The following TENM3 variants were observed in gnomAD, a reference collection of about 807,000 sequenced individuals.
TENM3 encodes the protein teneurin-3.
Under a neutral mutation model 255.1 loss-of-function variants are expected in TENM3, and 63 were observed. The observed-to-expected ratio is 0.25, with a 90% CI of 0.20 to 0.30. TENM3 has a LOEUF of 0.30. Among genes scored for constraint, TENM3 ranks in the 10% least tolerant of loss-of-function variants. The pLI, the probability that TENM3 is intolerant of heterozygous loss-of-function variation, is 1.00. For missense variants in TENM3, 2,929 were observed against 3,461.1 expected (o/e 0.85, Z 3.86); for synonymous variants, 1,306 against 1,322.3 (o/e 0.99, Z 0.27).
At chr4:182,087,640 C>T in the TENM3 span, among the ~76,000 whole-genome samples, 1 of 151,432 alleles carries the variant, frequency 6.6e-6, no homozygotes, top group Non-Finnish European at 1.5e-5. Context: ...ATGCTAAATC[C>T]ATTAGTATAG....
chr4:181,985,971 C>T, the TENM3 span, among the ~76,000 whole-genome samples: 1 of 152,140 alleles, frequency 6.6e-6, no homozygotes, highest in African/African-American at 2.4e-5. Context: ...ACTGTTCTGG[C>T]ACTGTCCAAA....
the TENM3 span, among the ~76,000 whole-genome samples, chr4:181,480,721 G>A: frequency 1.1e-4 from 17 of 150,382 alleles, no homozygotes; most frequent in Admixed American, 2.7e-4. Flanking sequence ...ATAAAACCAC[G>A]CATATAGTTT....
chr4:182,747,552 C>T (rs1308276183), intron 19 of TENM3, among the ~76,000 whole-genome samples: 1 of 152,154 alleles, frequency 6.6e-6, no homozygotes, highest in Non-Finnish European at 1.5e-5. Flanking sequence ...TAAGGAACCC[C>T]TTTAATATGT....
At chr4:182,231,780 G>A (rs116123671) in intron 1 of TENM3, among the ~76,000 whole-genome samples, 20 of 152,248 alleles carry the variant, frequency 1.3e-4, no homozygotes, top group African/African-American at 4.6e-4. Context: ...CTGACATTCC[G>A]AGCCTGGGAT....
At chr4:182,425,561 A>G (rs941890937) in intron 3 of TENM3, among the ~76,000 whole-genome samples, 2 of 152,202 alleles carry the variant, frequency 1.3e-5, no homozygotes, top group African/African-American at 2.4e-5. Context: ...TGAAACACAG[A>G]TGTTTCAAAA....
At chr4:182,386,527 A>C (rs1258148807) in intron 3 of TENM3, among the ~76,000 whole-genome samples, 1 of 152,188 alleles carries the variant, frequency 6.6e-6, no homozygotes, top group Non-Finnish European at 1.5e-5. Flanking sequence ...CCAAGGCTGG[A>C]GCCCGCTCCC....
chr4:182,375,140 C>G (rs1462879240), intron 3 of TENM3, among the ~76,000 whole-genome samples: 1 of 152,100 alleles, frequency 6.6e-6, no homozygotes, highest in Non-Finnish European at 1.5e-5. Context: ...AGTGAGCTGT[C>G]CAGCCTCTAA....
At chr4:182,018,484 AGCTAGGAAAACCAGC>A in the TENM3 span, among the ~76,000 whole-genome samples, 1 of 152,168 alleles carries the variant, frequency 6.6e-6, no homozygotes, top group Non-Finnish European at 1.5e-5. Flanking sequence ...TATTCCTAGG[AGCTAGGAAAACCAGC>A]ATTCTAATCT....
chr4:182,422,904 G>C (rs920035945), intron 3 of TENM3, among the ~76,000 whole-genome samples: 25 of 152,288 alleles, frequency 1.6e-4, no homozygotes, highest in African/African-American at 5.8e-4. Flanking sequence ...CTGAGGCATG[G>C]AAAGTCTAAG....
chr4:181,613,487 C>T, the TENM3 span, among the ~76,000 whole-genome samples: 2,085 of 152,244 alleles, frequency 0.014, 51 homozygotes, highest in African/African-American at 0.047. Context: ...TGGGAGTATG[C>T]CTGCCCTCAG....
At chr4:182,316,616 T>C (rs1762761199) in intron 1 of TENM3, among the ~76,000 whole-genome samples, 1 of 152,122 alleles carries the variant, frequency 6.6e-6, no homozygotes, top group Non-Finnish European at 1.5e-5. Context: ...GAATTTTTCT[T>C]TCAAGGAGGT....
chr4:181,605,761 T>A, the TENM3 span, among the ~76,000 whole-genome samples: 2 of 152,196 alleles, frequency 1.3e-5, no homozygotes, highest in Non-Finnish European at 2.9e-5. Context: ...ATGGTATTTT[T>A]GGAACATTAT....
chr4:181,877,898 C>T, the TENM3 span, among the ~76,000 whole-genome samples: 1 of 152,156 alleles, frequency 6.6e-6, no homozygotes, highest in Non-Finnish European at 1.5e-5. Flanking sequence ...ATTGCCCAGA[C>T]TAAGGACAGG....
chr4:181,894,052 A>G, the TENM3 span, among the ~76,000 whole-genome samples: 1 of 152,092 alleles, frequency 6.6e-6, no homozygotes, highest in Non-Finnish European at 1.5e-5. Flanking sequence ...AATGAGTTCT[A>G]GCAGGTAAGA....
Position 182,714,314 on chromosome 4 carries a change from CCAAAA to C in TENM3, c.2368+82_2368+86del, listed in dbSNP as rs1758983145. On this transcript the variant is annotated intron_variant, in intron 13 of 27. Coordinates refer to ENST00000511685, the MANE Select transcript of TENM3 (RefSeq NM_001080477.4). ...ACAGTGAGTACATAGATATCTGTTGCCAAAAAAAAAAAAAAAAAAAAAAAACCTGA... is the reference window on the plus strand; with the variant it reads ...ACAGTGAGTACATAGATATCTGTTGCAAAAAAAAAAAAAAAAAAAACCTGA... 39 of 121,784 alleles carry C rather than the reference CCAAAA, an allele frequency of 3.2e-4. No individual in the cohort carries two copies. The South Asian group carries it at 4.3e-3, about 13-fold the overall frequency. The allele number at this position is 121,784 out of a possible 1,614,324, so 7.5% of individuals were successfully genotyped here.
At chr4:182,662,239 A>G (rs1754286631) in intron 6 of TENM3, among the ~76,000 whole-genome samples, 1 of 152,198 alleles carries the variant, frequency 6.6e-6, no homozygotes, top group Admixed American at 6.5e-5. Flanking sequence ...TCACACTCTG[A>G]CAACTGTATT....
the TENM3 span, among the ~76,000 whole-genome samples, chr4:182,111,407 C>T: frequency 6.6e-6 from 1 of 152,076 alleles, no homozygotes; most frequent in African/African-American, 2.4e-5. Flanking sequence ...ATCATAAGAA[C>T]TCCTCTGGTG....
At chr4:181,828,385 T>C in the TENM3 span, among the ~76,000 whole-genome samples, 4 of 152,224 alleles carry the variant, frequency 2.6e-5, no homozygotes, top group Admixed American at 2.6e-4. Context: ...CTTTCAATAC[T>C]AGTGGCATTT....
the TENM3 span, among the ~76,000 whole-genome samples, chr4:181,596,086 A>G: frequency 2.6e-5 from 4 of 152,220 alleles, no homozygotes; most frequent in African/African-American, 9.7e-5. Flanking sequence ...TCAATCATTC[A>G]TAGATCCACA....
Sources: gnomAD v4.1 joint callset for allele counts (sites outside exome capture counted in the v4.1 genomes callset) on GRCh38, gnomAD v4.1.1 for gene constraint, MANE v1.5 for transcripts, NCBI Gene and HGNC (gene_info 2026-07-23, HGNC 2026-07-21) for gene names.